PTTG1IP2: variants seen among roughly 807,000 people sequenced by gnomAD.
The protein encoded by PTTG1IP2 is PTTG1IP family member 2.
intron 1 of PTTG1IP2, among the ~76,000 whole-genome samples, chr7:90,475,402 T>C (rs1303314107): frequency 6.6e-6 from 1 of 152,186 alleles, no homozygotes; most frequent in Admixed American, 6.5e-5. Flanking sequence ...AGTATTCTCA[T>C]GGAGATAGCC....
At chr7:90,484,219 G>A (rs1797843581) in intron 2 of PTTG1IP2, among the ~76,000 whole-genome samples, 1 of 148,932 alleles carries the variant, frequency 6.7e-6, no homozygotes, top group South Asian at 2.1e-4. Flanking sequence ...TCTTTCACCT[G>A]GAAAAATCCT....
intron 3 of PTTG1IP2, among the ~76,000 whole-genome samples, chr7:90,488,320 A>AACAGAAAC (rs1253211247): frequency 1.2e-5 from 1 of 85,686 alleles, no homozygotes; most frequent in African/African-American, 3.7e-5. Flanking sequence ...AACTAGTATG[A>AACAGAAAC]ACTAGTCTCC....
intron 1 of PTTG1IP2, among the ~76,000 whole-genome samples, chr7:90,472,339 A>G (rs1020504970): frequency 1.3e-5 from 2 of 151,450 alleles, no homozygotes; most frequent in African/African-American, 4.9e-5. Context: ...AATCTACCCT[A>G]GAAGAGAACA....
intron 5 of PTTG1IP2, among the ~76,000 whole-genome samples, chr7:90,493,133 A>G (rs1431969260): frequency 6.6e-6 from 1 of 152,176 alleles, no homozygotes; most frequent in African/African-American, 2.4e-5. Flanking sequence ...TACTATTAAT[A>G]AATAACTTTG....
At chr7:90,483,621 C>T (rs1394788767) in intron 2 of PTTG1IP2, among the ~76,000 whole-genome samples, 1 of 152,180 alleles carries the variant, frequency 6.6e-6, no homozygotes, top group Non-Finnish European at 1.5e-5. Context: ...TTCCGTATCA[C>T]ACAGTGTGAT....
chr7:90,501,624 C>T (rs1470825994), intron 6 of PTTG1IP2, among the ~76,000 whole-genome samples: 1 of 152,184 alleles, frequency 6.6e-6, no homozygotes, highest in East Asian at 1.9e-4. Context: ...GAGCTCTGAT[C>T]CTCCACAGCA....
chr7:90,490,434 G>GAAA (rs74273143), intron 4 of PTTG1IP2, among the ~76,000 whole-genome samples: 1 of 129,042 alleles, frequency 7.7e-6, no homozygotes, highest in Non-Finnish European at 1.7e-5. Flanking sequence ...AGTGCTTGCA[G>GAAA]AAAAAAAAAA....
At chr7:90,486,602 C>A (rs1797877495) in intron 2 of PTTG1IP2, among the ~76,000 whole-genome samples, 1 of 151,498 alleles carries the variant, frequency 6.6e-6, no homozygotes, top group East Asian at 1.9e-4. Flanking sequence ...CACCAGTGAG[C>A]AGTGTGGGGA....
At chr7:90,492,526 A>G (rs1298863388) in intron 5 of PTTG1IP2, among the ~76,000 whole-genome samples, 1 of 152,194 alleles carries the variant, frequency 6.6e-6, no homozygotes, top group African/African-American at 2.4e-5. Flanking sequence ...ATATTGCGCC[A>G]TTGCATTTCA....
intron 6 of PTTG1IP2, among the ~76,000 whole-genome samples, chr7:90,509,984 G>A (rs530398839): frequency 6.6e-6 from 1 of 152,334 alleles, no homozygotes; most frequent in African/African-American, 2.4e-5. Context: ...GCTTTCCAAA[G>A]TGCCTTGAAT....
intron 1 of PTTG1IP2, among the ~76,000 whole-genome samples, chr7:90,474,971 A>C (rs1404946153): frequency 6.6e-6 from 1 of 152,204 alleles, no homozygotes; most frequent in Non-Finnish European, 1.5e-5. Context: ...CACAACTCCA[A>C]AGGTGCTAAA....
intron 2 of PTTG1IP2, among the ~76,000 whole-genome samples, chr7:90,483,044 G>A (rs534901833): frequency 1.8e-3 from 267 of 151,598 alleles, no homozygotes; most frequent in African/African-American, 6.0e-3. Flanking sequence ...CTGAAAAATT[G>A]TGTGTGTGTG....
chr7:90,498,042 T>TC (rs1238599775), intron 6 of PTTG1IP2, among the ~76,000 whole-genome samples: 12 of 152,112 alleles, frequency 7.9e-5, no homozygotes, highest in African/African-American at 2.9e-4. Context: ...CTTTTTTTTT[T>TC]TGAGATGGAG....
At chr7:90,473,300 C>T (rs1797711398) in intron 1 of PTTG1IP2, among the ~76,000 whole-genome samples, 1 of 152,086 alleles carries the variant, frequency 6.6e-6, no homozygotes, top group Non-Finnish European at 1.5e-5. Flanking sequence ...AATACTGGAC[C>T]TCACGTCTAG....
chr7:90,481,128 G>A (rs1389078920), intron 2 of PTTG1IP2, among the ~76,000 whole-genome samples: 2 of 152,212 alleles, frequency 1.3e-5, no homozygotes, highest in East Asian at 3.9e-4. Flanking sequence ...TCCTTGCCTA[G>A]ATCTATTGTT....
intron 6 of PTTG1IP2, among the ~76,000 whole-genome samples, chr7:90,500,881 A>C (rs540126329): frequency 2.6e-5 from 4 of 152,230 alleles, no homozygotes; most frequent in Admixed American, 6.5e-5. Flanking sequence ...CATCCACCAC[A>C]ACATCTGTCA....
At chr7:90,484,103 G>A (rs1797842444) in intron 2 of PTTG1IP2, among the ~76,000 whole-genome samples, 1 of 151,136 alleles carries the variant, frequency 6.6e-6, no homozygotes, top group Non-Finnish European at 1.5e-5. Context: ...CTTCCCCAAA[G>A]AAGCTCATGT....
chr7:90,473,360 G>A (rs982122136), intron 1 of PTTG1IP2, among the ~76,000 whole-genome samples: 9 of 152,124 alleles, frequency 5.9e-5, no homozygotes, highest in Non-Finnish European at 1.2e-4. Flanking sequence ...CTAAGAAGGG[G>A]ACAGGTGAGA....
intron 4 of PTTG1IP2, among the ~76,000 whole-genome samples, chr7:90,489,229 G>A (rs997300274): frequency 4.0e-5 from 6 of 151,222 alleles, no homozygotes; most frequent in Non-Finnish European, 7.4e-5. Flanking sequence ...TTCTTCTGTA[G>A]TTACCTCCAT....
Sources: allele counts gnomAD v4.1 joint callset (sites outside exome capture counted in the v4.1 genomes callset), GRCh38; gene constraint gnomAD v4.1.1; transcripts MANE v1.5; gene names NCBI Gene and HGNC (gene_info 2026-07-23, HGNC 2026-07-21).